The following CDC20B variants were observed in gnomAD, a reference collection of about 807,000 sequenced individuals.
CDC20B encodes cell division cycle protein 20 homolog B.
CDC20B carries 58 observed loss-of-function variants against 64.1 expected under a neutral mutation model. The observed-to-expected ratio is 0.90, with a 90% CI of 0.73 to 1.13. The LOEUF (loss-of-function observed/expected upper bound fraction) is 1.13, where lower values mean the gene tolerates loss of function less well. Ranked by LOEUF, CDC20B falls within the 50% of genes most tolerant of loss-of-function variation. The pLI, the probability that CDC20B is intolerant of heterozygous loss-of-function variation, is 0.00. For synonymous variants in CDC20B, 243 were observed against 230.6 expected, an observed-to-expected ratio of 1.05 and a Z score of -0.49; for missense variants, 597 against 633.0, an observed-to-expected ratio of 0.94 and a Z score of 0.61.
chr5:55,160,404 G>A, intron 2 of CDC20B: 15 of 1,599,546 alleles, frequency 9.4e-6, no homozygotes, highest in Non-Finnish European at 1.3e-5. Flanking sequence ...AAAGTAAGTT[G>A]CATCATCTGA....
At chr5:55,161,303 A>G (rs1485156346) in intron 2 of CDC20B, 2 of 1,518,558 alleles carry the variant, frequency 1.3e-6, no homozygotes, top group Non-Finnish European at 1.8e-6. Context: ...TTTCATTTTT[A>G]AACAATTATA....
intron 2 of CDC20B, chr5:55,172,294 G>C (rs1432615430): frequency 6.1e-6 from 2 of 328,946 alleles, no homozygotes; most frequent in African/African-American, 2.2e-5. Context: ...AGTGCAACTA[G>C]CAACTGTTAA....
At chr5:55,156,281 A>G (rs758580617) in intron 2 of CDC20B, among the ~76,000 whole-genome samples, 53 of 152,174 alleles carry the variant, frequency 3.5e-4, no homozygotes, top group Non-Finnish European at 6.6e-4. Flanking sequence ...ATTACAATTC[A>G]AGGTGAGATT....
At chr5:55,157,609 C>A (rs1743852073) in intron 2 of CDC20B, among the ~76,000 whole-genome samples, 1 of 152,216 alleles carries the variant, frequency 6.6e-6, no homozygotes, top group East Asian at 1.9e-4. Context: ...CCAACCTCAA[C>A]ATCAGGCCTG....
chr5:55,119,141 A>G (rs1742694542), intron 11 of CDC20B, among the ~76,000 whole-genome samples: 1 of 152,196 alleles, frequency 6.6e-6, no homozygotes, highest in Non-Finnish European at 1.5e-5. Context: ...GTTCTACAAG[A>G]GATTGGATGC....
At chr5:55,131,464 A>G (rs1743026313) in intron 6 of CDC20B, among the ~76,000 whole-genome samples, 1 of 152,222 alleles carries the variant, frequency 6.6e-6, no homozygotes, top group South Asian at 2.1e-4. Context: ...AACACAAATC[A>G]GCAAAAAAGG....
chr5:55,155,988 G>T (rs994048303), intron 2 of CDC20B, among the ~76,000 whole-genome samples: 2 of 152,168 alleles, frequency 1.3e-5, no homozygotes, highest in African/African-American at 2.4e-5. Context: ...TTCTCATGCT[G>T]CTAATAAAGA....
At chr5:55,166,023 C>T (rs1744364253) in intron 2 of CDC20B, 2 of 152,248 alleles carry the variant, frequency 1.3e-5, no homozygotes, top group African/African-American at 4.8e-5. Context: ...AATTCTGAGC[C>T]TCTAAGAAAA....
intron 2 of CDC20B, among the ~76,000 whole-genome samples, chr5:55,155,553 G>A (rs2111914473): frequency 6.6e-6 from 1 of 152,256 alleles, no homozygotes; most frequent in South Asian, 2.1e-4. Context: ...TGTTTCAAAT[G>A]TAGGGTCTCA....
intron 4 of CDC20B, among the ~76,000 whole-genome samples, chr5:55,142,096 G>A (rs1456862550): frequency 6.6e-6 from 1 of 152,172 alleles, no homozygotes; most frequent in Non-Finnish European, 1.5e-5. Flanking sequence ...AGGCGCTTCT[G>A]TTCTGTGGGT....
chr5:55,151,787 G>T (rs920554927), intron 2 of CDC20B, among the ~76,000 whole-genome samples: 1 of 152,174 alleles, frequency 6.6e-6, no homozygotes, highest in African/African-American at 2.4e-5. Context: ...CTTCAGGAAG[G>T]TGTCTCTGAC....
At chr5:55,170,141 T>C (rs1744550528) in intron 2 of CDC20B, among the ~76,000 whole-genome samples, 1 of 151,774 alleles carries the variant, frequency 6.6e-6, no homozygotes, top group Non-Finnish European at 1.5e-5. Flanking sequence ...AAACTAATAA[T>C]GCAGAAAGAA....
intron 2 of CDC20B, among the ~76,000 whole-genome samples, chr5:55,149,903 G>GTAATCACCTCAGTC (rs1743613702): frequency 6.6e-6 from 1 of 152,138 alleles, no homozygotes; most frequent in African/African-American, 2.4e-5. Flanking sequence ...GGAGACTGAG[G>GTAATCACCTCAGTC]TGAGTTAATC....
At chr5:55,122,144 T>A (rs1386944029) in intron 9 of CDC20B, among the ~76,000 whole-genome samples, 1 of 152,232 alleles carries the variant, frequency 6.6e-6, no homozygotes. Flanking sequence ...TTATGACAGG[T>A]GAACTTGTTA....
chr5:55,157,348 A>G (rs1476177136), intron 2 of CDC20B, among the ~76,000 whole-genome samples: 2 of 152,228 alleles, frequency 1.3e-5, no homozygotes, highest in African/African-American at 4.8e-5. Context: ...CAAAACAACA[A>G]AGAAGAGGTG....
At chr5:55,164,314 G>A in intron 2 of CDC20B, 1 of 907,876 alleles carries the variant, frequency 1.1e-6, no homozygotes, top group African/African-American at 1.7e-5. Context: ...GTCTCACTCT[G>A]TCACCCAGGC....
At chr5:55,164,009 C>A in intron 2 of CDC20B, 1 of 1,381,836 alleles carries the variant, frequency 7.2e-7, no homozygotes, top group Non-Finnish European at 9.8e-7. Flanking sequence ...AAAATCTTGA[C>A]AAAGAATAAA....
intron 2 of CDC20B, chr5:55,160,455 C>A: frequency 7.2e-7 from 1 of 1,396,440 alleles, no homozygotes; most frequent in Non-Finnish European, 1.0e-6. Flanking sequence ...GTTTATTCCT[C>A]TTAATAAAAT....
chr5:55,159,087 A>ACTCGCTGCAGTCTACAAACACGC (rs1743907258), intron 2 of CDC20B, among the ~76,000 whole-genome samples: 2 of 152,068 alleles, frequency 1.3e-5, no homozygotes, highest in African/African-American at 4.8e-5. Context: ...TACAAACACG[A>ACTCGCTGCAGTCTACAAACACGC]CTCACTGCAG....
Sources: allele counts gnomAD v4.1 joint callset (sites outside exome capture counted in the v4.1 genomes callset), GRCh38; gene constraint gnomAD v4.1.1; transcripts MANE v1.5; gene names NCBI Gene and HGNC (gene_info 2026-07-23, HGNC 2026-07-21).